Variants in ATRX observed in about 807,000 individuals in gnomAD.
The protein encoded by ATRX is ATRX chromatin remodeler.
In ATRX, 12 loss-of-function variants were observed where a neutral mutation model predicts 172.6. That is an observed-to-expected ratio of 0.07 (90% CI 0.04 to 0.11). ATRX has a LOEUF of 0.11. ATRX is among the 10% of genes least tolerant of loss of function. The pLI is 1.00. For missense variants in ATRX, 1,368 were observed against 1,767.4 expected, an observed-to-expected ratio of 0.77 and a Z score of 4.05; for synonymous variants, 674 against 594.7, an observed-to-expected ratio of 1.13 and a Z score of -1.94.
At chrX:77,514,812 C>T (rs1200264470) in intron 34 of ATRX, among the ~76,000 whole-genome samples, 2 of 112,325 alleles carry the variant, frequency 1.8e-5, no homozygotes, top group African/African-American at 6.5e-5. Flanking sequence ...AGGAAACTAT[C>T]AACAGAGTAG....
rs1557142343 is a variant in ATRX, at chrX:77,684,157, T to A, written c.1099A>T (p.Asn367Tyr). 1 of 1,207,373 alleles carries A rather than the reference T, an allele frequency of 8.3e-7. No homozygotes were observed. Among genetic ancestry groups the A allele is most frequent in the Non-Finnish European group, 1.1e-6 (1 of 893,907 alleles). Residue 367 changes from asparagine to tyrosine, a missense_variant, in exon 9 of 35, where the codon AAC (asparagine) becomes TAC (tyrosine). Around this residue, in one of 17 missense-constraint regions of ATRX, gnomAD observed 843 missense variants for 643.1 expected, o/e 1.31. Coordinates refer to ENST00000373344, the MANE Select transcript of ATRX (RefSeq NM_000489.6). ...TTTAAAAATTTAACATAACTGGAGT[T>A]CATGTTGGCTGTGGTCTCAATCAGT... ...KKLIETTANM[N>Y]SSYVKFLKQA... is the part of the protein sequence containing the mutation.
chrX:77,571,659 GA>G (rs1258739836), intron 28 of ATRX, among the ~76,000 whole-genome samples: 2 of 110,964 alleles, frequency 1.8e-5, no homozygotes, highest in Non-Finnish European at 3.8e-5. Flanking sequence ...TGTATATGTG[GA>G]AAAAAAGATA....
intron 1 of ATRX, among the ~76,000 whole-genome samples, chrX:77,762,011 G>A (rs1433563702): frequency 5.4e-5 from 6 of 110,715 alleles, no homozygotes; most frequent in South Asian, 3.8e-4. Context: ...CTTAAGATAC[G>A]CAATGACTTG....
At chrX:77,576,410 A>G (rs2065619576) in intron 27 of ATRX, among the ~76,000 whole-genome samples, 1 of 111,135 alleles carries the variant, frequency 9.0e-6, no homozygotes, top group Admixed American at 9.6e-5. Flanking sequence ...ACACATATAT[A>G]CTACACATAT....
intron 10 of ATRX, among the ~76,000 whole-genome samples, chrX:77,672,636 A>G (rs781811502): frequency 6.3e-5 from 7 of 111,343 alleles, no homozygotes; most frequent in East Asian, 2.8e-4. Context: ...ATAATTAAAT[A>G]TAACAATGGG....
intron 7 of ATRX, among the ~76,000 whole-genome samples, chrX:77,685,762 T>G (rs1557143508): frequency 8.9e-6 from 1 of 111,962 alleles, no homozygotes; most frequent in Non-Finnish European, 1.9e-5. Context: ...GGCCACTGTT[T>G]ACAATAGCAA....
intron 1 of ATRX, among the ~76,000 whole-genome samples, chrX:77,778,009 A>T (rs1243719255): frequency 9.3e-6 from 1 of 107,416 alleles, no homozygotes; most frequent in Non-Finnish European, 1.9e-5. Context: ...GGTGGCTCAC[A>T]CCTGTAGTCC....
At chrX:77,540,746 TAAA>T (rs1184484209) in intron 30 of ATRX, among the ~76,000 whole-genome samples, 1 of 111,512 alleles carries the variant, frequency 9.0e-6, no homozygotes, top group African/African-American at 3.3e-5. Context: ...AAGGCAGAAA[TAAA>T]GAAGTTCTTT....
At chrX:77,697,930 G>A (rs2072276256) in intron 3 of ATRX, among the ~76,000 whole-genome samples, 1 of 111,696 alleles carries the variant, frequency 9.0e-6, no homozygotes, top group African/African-American at 3.2e-5. Flanking sequence ...ATACACTGCT[G>A]CAAAATGATC....
intron 34 of ATRX, among the ~76,000 whole-genome samples, chrX:77,519,095 G>T (rs1415933424): frequency 8.9e-6 from 1 of 111,803 alleles, no homozygotes; most frequent in Non-Finnish European, 1.9e-5. Context: ...AACTGGCAAA[G>T]ATTTCTTGAG....
In ATRX at chrX:77,572,839, C is replaced by T. The variant is rs1431031151; in HGVS notation, c.6326+1411G>A. On this transcript the variant is annotated intron_variant, in intron 28 of 34. Coordinates refer to ENST00000373344, the MANE Select transcript of ATRX (RefSeq NM_000489.6). ...TCCCTTTGTAAGCTCTCTTAGGCTA[C>T]GGGTTTTCAATAATTAATAATCTTC... 7.2e-5 allele frequency among the ~76,000 whole-genome samples: 8 copies of T among 111,717 alleles called. No individual in the cohort carries two copies. In the Admixed American group the frequency reaches 7.6e-4, roughly 11 times the overall value.
Position 77,723,077 on chromosome X carries a change from A to T in ATRX, c.21-5834T>A, listed in dbSNP as rs150829548. On this transcript the variant is annotated intron_variant, in intron 1 of 34. Coordinates refer to ENST00000373344, the MANE Select transcript of ATRX (RefSeq NM_000489.6). ...AGCTGGAAACCATCATTCTCAGCAA[A>T]CTAACACAAGAACAGAAAACCAAAT... 7.4e-3 allele frequency among the ~76,000 whole-genome samples: 826 copies of T among 111,619 alleles called. 4 individuals carry two copies. The highest frequency in any genetic ancestry group is 9.8e-3 in the Non-Finnish European group (520 of 53,190).
At position 77,722,653 on chromosome X, in the gene ATRX, G is replaced by A. The variant is rs148378453; in HGVS notation, c.21-5410C>T. ...AAACCACAATGAGATACCACCTCAC[G>A]CCGGTTAGAATGGCGAACATTAAAA... On this transcript the variant is annotated intron_variant, in intron 1 of 34. Coordinates refer to ENST00000373344, the MANE Select transcript of ATRX (RefSeq NM_000489.6). Among the ~76,000 whole-genome samples the A allele has an allele frequency of 7.6e-3, 851 of 111,676 alleles. 13 individuals carry two copies. Among genetic ancestry groups the A allele is most frequent in the African/African-American group, 0.026 (805 of 30,754 alleles).
rs781808505 is a variant in ATRX at position 77,682,652 on chromosome X, C to A, written c.2604G>T (p.Leu868Phe). 1 of 1,209,443 alleles carries A rather than the reference C, an allele frequency of 8.3e-7. No individual in the cohort carries two copies. The highest frequency in any genetic ancestry group is 1.1e-6 in the Non-Finnish European group (1 of 895,299). The change falls in exon 9 of 35, where the codon TTG becomes TTT. Residue 868 changes from leucine (L) to phenylalanine (F), a missense_variant. Transcript: ENST00000373344. ...KGMDNQGHKN[L>F]KTSQEGSSDD... ...CAGATGATCCTTCTTGTGAGGTCTTCAAATTTTTGTGCCCTTGATTATCCA... is the reference window on the plus strand; with the variant it reads ...CAGATGATCCTTCTTGTGAGGTCTTAAAATTTTTGTGCCCTTGATTATCCA...
intron 27 of ATRX, among the ~76,000 whole-genome samples, chrX:77,574,821 C>A (rs1053397210): frequency 9.0e-6 from 1 of 110,972 alleles, no homozygotes; most frequent in Non-Finnish European, 1.9e-5. Context: ...CTACTATGTG[C>A]CAAAAATTAT....
intron 27 of ATRX, among the ~76,000 whole-genome samples, chrX:77,577,312 T>C (rs1557070928): frequency 9.0e-6 from 1 of 111,560 alleles, no homozygotes; most frequent in Non-Finnish European, 1.9e-5. Flanking sequence ...CCCATCCTAA[T>C]GGGTGTGTGG....
chrX:77,697,691 C>T, intron 3 of ATRX, 56 bp from the exon 4 acceptor site: 5 of 1,050,044 alleles, frequency 4.8e-6, no homozygotes, highest in Non-Finnish European at 6.6e-6. Context: ...GGCATCCCTA[C>T]AATTAGCTAT....
Position 77,612,800 on chromosome X carries a change from G to A in ATRX, c.5566+3813C>T, listed in dbSNP as rs45579634. Among the ~76,000 whole-genome samples, 394 of 110,695 alleles carry A rather than the reference G, an allele frequency of 3.6e-3. 1 individual carries two copies. Among genetic ancestry groups the A allele is most frequent in the Non-Finnish European group, 5.9e-3 (310 of 52,870 alleles). On this transcript the variant is annotated intron_variant, in intron 22 of 34. Transcript: ENST00000373344. Reference sequence around the variant, plus strand: ...GTAATCACCATTCTACTTTCTACTCGTAGAGTTTGGCTACTCTAGGTACCT... The same window carrying A: ...GTAATCACCATTCTACTTTCTACTCATAGAGTTTGGCTACTCTAGGTACCT...
chrX:77,721,307 G>T (rs1160827876), intron 1 of ATRX, among the ~76,000 whole-genome samples: 1 of 111,652 alleles, frequency 9.0e-6, no homozygotes, highest in Non-Finnish European at 1.9e-5. Context: ...ATTCAACACA[G>T]TATTGTAAGT....
Sources: allele counts gnomAD v4.1 joint callset (sites outside exome capture counted in the v4.1 genomes callset), GRCh38; gene constraint gnomAD v4.1.1; regional missense constraint gnomAD v4.1.1; transcripts MANE v1.5; gene names NCBI Gene and HGNC (gene_info 2026-07-23, HGNC 2026-07-21).